Variants in NKAIN3 observed in about 807,000 individuals in gnomAD.
NKAIN3 encodes the protein sodium/potassium transporting ATPase interacting 3.
A neutral mutation model predicts 30.2 loss-of-function variants in NKAIN3; 25 were observed. The ratio of observed to expected loss-of-function variants is 0.83; its 90% CI spans 0.60 to 1.16. NKAIN3 has a LOEUF of 1.16. NKAIN3 is among the 50% of genes most tolerant of loss of function. The pLI is 0.00. For missense variants in NKAIN3, 225 were observed against 254.1 expected, an observed-to-expected ratio of 0.89 and a Z score of 0.78; for synonymous variants, 91 against 89.6, an observed-to-expected ratio of 1.02 and a Z score of -0.09.
intron 5 of NKAIN3, among the ~76,000 whole-genome samples, chr8:62,994,463 A>T (rs1310321572): frequency 2.6e-5 from 4 of 151,996 alleles, no homozygotes; most frequent in Non-Finnish European, 5.9e-5. Context: ...TGCACTGGTC[A>T]TCTCTGGGAA....
chr8:62,360,185 G>A (rs184674137), intron 1 of NKAIN3, among the ~76,000 whole-genome samples: 2 of 152,324 alleles, frequency 1.3e-5, no homozygotes, highest in East Asian at 3.9e-4. Flanking sequence ...GCTATTAGTG[G>A]TCATCCCTGG....
chr8:62,972,463 T>G lies in NKAIN3; in HGVS notation c.*7056T>G, dbSNP rs1823854989. Among the ~76,000 whole-genome samples, 1 of 152,152 alleles carries G rather than the reference T, an allele frequency of 6.6e-6. No individual in the cohort carries two copies. The highest frequency in any genetic ancestry group is 2.1e-4 in the South Asian group (1 of 4,828). On this transcript the variant is annotated 3_prime_UTR_variant, in exon 7 of 7. Transcript: ENST00000623646. Reference sequence around the variant, plus strand: ...AAATGCCAGTCTTTTATCTTCCTAGTTTTTCAAATAGAAAAGTGATACTAA... The same window carrying G: ...AAATGCCAGTCTTTTATCTTCCTAGGTTTTCAAATAGAAAAGTGATACTAA...
chr8:62,841,977 T>C (rs1010791149), intron 4 of NKAIN3, among the ~76,000 whole-genome samples: 3 of 152,158 alleles, frequency 2.0e-5, no homozygotes, highest in Non-Finnish European at 4.4e-5. Context: ...TTGTTATCTT[T>C]CATCTTTTTG....
At chr8:62,564,495 G>A (rs1387163066) in intron 1 of NKAIN3, among the ~76,000 whole-genome samples, 1 of 152,122 alleles carries the variant, frequency 6.6e-6, no homozygotes, top group African/African-American at 2.4e-5. Context: ...TACCTGCAAG[G>A]TAAATTCCGA....
intron 1 of NKAIN3, among the ~76,000 whole-genome samples, chr8:62,521,112 C>T (rs972875656): frequency 7.3e-5 from 11 of 151,646 alleles, no homozygotes; most frequent in African/African-American, 2.7e-4. Flanking sequence ...AGAACTGTGT[C>T]CCTGGAGCAC....
chr8:62,534,897 A>G (rs564486088), intron 1 of NKAIN3, among the ~76,000 whole-genome samples: 4 of 147,866 alleles, frequency 2.7e-5, no homozygotes, highest in Non-Finnish European at 4.5e-5. Context: ...GATTTTCTGA[A>G]AGCTCCACAG....
chr8:62,640,191 T>C (rs1290826767), intron 3 of NKAIN3, among the ~76,000 whole-genome samples: 1 of 152,152 alleles, frequency 6.6e-6, no homozygotes, highest in Non-Finnish European at 1.5e-5. Flanking sequence ...TTTGGCTTTG[T>C]ATCCCCACCC....
intron 4 of NKAIN3, among the ~76,000 whole-genome samples, chr8:62,859,507 C>CCAAAAAAAAAAAAAAAAAAAAAAAA (rs1563597734): frequency 1.0e-4 from 1 of 9,934 alleles, no homozygotes; most frequent in Non-Finnish European, 4.0e-4. Flanking sequence ...CTTACTTCAA[C>CCAAAAAAAAAAAAAAAAAAAAAAAA]TAAAAAAAAA....
chr8:62,629,930 CTTA>C (rs1359684291), intron 3 of NKAIN3, among the ~76,000 whole-genome samples: 12 of 152,188 alleles, frequency 7.9e-5, no homozygotes, highest in African/African-American at 2.9e-4. Context: ...GTAGTCTCCA[CTTA>C]TCTGTGGTTT....
intron 5 of NKAIN3, among the ~76,000 whole-genome samples, chr8:62,953,592 G>A (rs1356377469): frequency 6.6e-6 from 1 of 152,110 alleles, no homozygotes; most frequent in Non-Finnish European, 1.5e-5. Flanking sequence ...GGGAGAAAGG[G>A]CATGTCTGTA....
chr8:62,870,742 TCTAG>T (rs1469649130), intron 4 of NKAIN3, among the ~76,000 whole-genome samples: 1 of 139,876 alleles, frequency 7.1e-6, no homozygotes, highest in African/African-American at 2.9e-5. Context: ...TCTATATATA[TCTAG>T]ATATCTAGAT....
intron 1 of NKAIN3, among the ~76,000 whole-genome samples, chr8:62,320,020 A>T (rs1475333107): frequency 6.6e-6 from 1 of 152,042 alleles, no homozygotes; most frequent in Non-Finnish European, 1.5e-5. Context: ...GTGCTCCTGT[A>T]TTGGGTGCAT....
intron 2 of NKAIN3, among the ~76,000 whole-genome samples, chr8:62,583,864 A>AG (rs1242452383): frequency 6.6e-6 from 1 of 152,230 alleles, no homozygotes; most frequent in East Asian, 1.9e-4. Flanking sequence ...AAGTACCTAA[A>AG]GAATCATTAA....
At chr8:62,954,411 G>A (rs1823366801) in intron 6 of NKAIN3, among the ~76,000 whole-genome samples, 1 of 152,040 alleles carries the variant, frequency 6.6e-6, no homozygotes, top group South Asian at 2.1e-4. Context: ...TTTCACAGGG[G>A]GGAAATAGAT....
intron 3 of NKAIN3, among the ~76,000 whole-genome samples, chr8:62,612,067 C>A (rs1269648824): frequency 6.6e-6 from 1 of 151,936 alleles, no homozygotes; most frequent in East Asian, 1.9e-4. Flanking sequence ...TTTCATAAGC[C>A]TGTTTGCCAT....
chr8:62,286,834 T>A (rs1307189630), intron 1 of NKAIN3, among the ~76,000 whole-genome samples: 1 of 152,060 alleles, frequency 6.6e-6, no homozygotes, highest in African/African-American at 2.4e-5. Context: ...AATGGAAATG[T>A]GTTAATGGCA....
At chr8:62,436,121 C>G (rs1585806107) in intron 1 of NKAIN3, among the ~76,000 whole-genome samples, 1 of 152,284 alleles carries the variant, frequency 6.6e-6, no homozygotes, top group Admixed American at 6.5e-5. Flanking sequence ...AAAACTATAA[C>G]AAGTTGTCAG....
At chr8:62,510,979 G>C (rs16929096) in intron 1 of NKAIN3, among the ~76,000 whole-genome samples, 11,128 of 152,052 alleles carry the variant, frequency 0.073, 512 homozygotes, top group African/African-American at 0.13. Flanking sequence ...CCAGGTTTCT[G>C]TCCAGGTCCT....
intron 2 of NKAIN3, among the ~76,000 whole-genome samples, chr8:62,589,007 A>G (rs1309040105): frequency 6.6e-6 from 1 of 151,828 alleles, no homozygotes; most frequent in Non-Finnish European, 1.5e-5. Context: ...AGACCGACTA[A>G]TACTCTGGGA....
Sources: gnomAD v4.1 joint callset for allele counts (sites outside exome capture counted in the v4.1 genomes callset) on GRCh38, gnomAD v4.1.1 for gene constraint, MANE v1.5 for transcripts, NCBI Gene and HGNC (gene_info 2026-07-23, HGNC 2026-07-21) for gene names.